Variants in TNPO3 observed in about 807,000 individuals in gnomAD.
TNPO3 encodes transportin-3.
TNPO3 carries 65 observed loss-of-function variants against 122.8 expected under a neutral mutation model. The observed-to-expected ratio is 0.53, with a 90% CI of 0.43 to 0.65. The LOEUF is 0.65. TNPO3 is among the 30% of genes least tolerant of loss of function. The probability of loss-of-function intolerance (pLI) is 0.00; values close to 1 mark genes in which losing one functional copy is unlikely to be tolerated. For synonymous variants in TNPO3, 372 were observed against 411.2 expected (o/e 0.90, Z 1.15); for missense variants, 850 against 1,136.7 (o/e 0.75, Z 3.63).
intron 1 of TNPO3, among the ~76,000 whole-genome samples, chr7:129,032,993 T>G (rs931866276): frequency 1.3e-5 from 2 of 152,264 alleles, no homozygotes; most frequent in East Asian, 3.9e-4. Context: ...AGCATAAAGA[T>G]GGACACACAG....
intron 16 of TNPO3, among the ~76,000 whole-genome samples, chr7:128,976,336 A>T (rs554965227): frequency 3.3e-5 from 5 of 152,370 alleles, no homozygotes; most frequent in Non-Finnish European, 5.9e-5. Context: ...AAACACCTTC[A>T]TCTTGGAGAA....
At chr7:129,036,654 G>A (rs761778682) in intron 1 of TNPO3, among the ~76,000 whole-genome samples, 27 of 152,078 alleles carry the variant, frequency 1.8e-4, no homozygotes, top group Non-Finnish European at 3.8e-4. Context: ...AAGTGGAAAA[G>A]TTTAAGGAGT....
intron 21 of TNPO3, among the ~76,000 whole-genome samples, chr7:128,960,012 C>T (rs1797286704): frequency 6.6e-6 from 1 of 152,144 alleles, no homozygotes; most frequent in Admixed American, 6.5e-5. Context: ...CAGAGCAAGA[C>T]TCCGTCTCAA....
chr7:129,000,113 T>C (rs1030791629), intron 7 of TNPO3, among the ~76,000 whole-genome samples: 6 of 152,086 alleles, frequency 3.9e-5, no homozygotes, highest in African/African-American at 9.7e-5. Context: ...TAGTTAGAAT[T>C]TGGTGTTTTT....
chr7:129,037,606 C>T (rs1474255269), intron 1 of TNPO3, among the ~76,000 whole-genome samples: 1 of 152,114 alleles, frequency 6.6e-6, no homozygotes, highest in Admixed American at 6.6e-5. Context: ...AGAAGACCAC[C>T]TCCTTTGGTG....
rs1217921962 is a variant in TNPO3 at position 128,954,609 on chromosome 7, G to A, written c.*808C>T. On this transcript the variant is annotated 3_prime_UTR_variant, in exon 23 of 23. Transcript: ENST00000265388. ...CAACAAACTGATGTGGATTGGAAGT[G>A]GACTGAGAGAATGAACGGGGTCAGG... is the stretch of plus-strand genomic sequence containing the variant. 7.2e-6 allele frequency: 1 copy of A among 138,750 alleles called. No homozygotes were observed. Among genetic ancestry groups the A allele is most frequent in the Non-Finnish European group, 1.5e-5 (1 of 66,060 alleles). The allele number at this position is 138,750 out of a possible 1,614,324, so 8.6% of individuals were successfully genotyped here.
At chr7:128,985,612 A>AAATG (rs1176118580) in intron 12 of TNPO3, among the ~76,000 whole-genome samples, 1 of 152,200 alleles carries the variant, frequency 6.6e-6, no homozygotes, top group Non-Finnish European at 1.5e-5. Context: ...ATAAATAAAT[A>AAATG]AAAATTGAAA....
In TNPO3 at chr7:128,979,036, C is replaced by G; in HGVS notation, c.2008G>C (p.Val670Leu). The G allele has an allele frequency of 1.2e-6, 2 of 1,614,258 alleles. No homozygotes were observed. Among genetic ancestry groups the G allele is most frequent in the Non-Finnish European group, 1.7e-6 (2 of 1,180,040 alleles). Residue 670 changes from valine to leucine, a missense_variant, in exon 16 of 23, where the codon GTT becomes CTT. Transcript: ENST00000265388. ...ERCCRCLRFA[V>L]RCVGKGSAAL... is the part of the protein sequence containing the mutation. ...GCAGATCCTTTGCCTACACAGCGAA[C>G]AGCAAAGCGCAGGCACCTGCAACAA...
intron 21 of TNPO3, among the ~76,000 whole-genome samples, chr7:128,959,374 G>C (rs760714146): frequency 6.6e-6 from 1 of 152,076 alleles, no homozygotes; most frequent in Non-Finnish European, 1.5e-5. Context: ...TTTGTTTTCA[G>C]AACAGATAGA....
intron 21 of TNPO3, among the ~76,000 whole-genome samples, chr7:128,963,033 A>AG (rs1389672225): frequency 6.6e-6 from 1 of 152,202 alleles, no homozygotes; most frequent in African/African-American, 2.4e-5. Context: ...TAGAGTCAAC[A>AG]GGAGACATGC....
At chr7:128,973,226 G>A (rs904465500) in intron 18 of TNPO3, among the ~76,000 whole-genome samples, 5 of 152,108 alleles carry the variant, frequency 3.3e-5, no homozygotes, top group African/African-American at 9.7e-5. Flanking sequence ...TCAAAGAAAA[G>A]GTTGTGTGTT....
chr7:128,956,841 A>G (rs1796945987), intron 22 of TNPO3, among the ~76,000 whole-genome samples: 2 of 152,222 alleles, frequency 1.3e-5, no homozygotes, highest in Admixed American at 1.3e-4. Flanking sequence ...GACTGGCACC[A>G]CATATAACAG....
At chr7:128,975,001 A>G in intron 17 of TNPO3, 39 bp from the exon 18 acceptor site, 1 of 1,541,534 alleles carries the variant, frequency 6.5e-7, no homozygotes, top group Non-Finnish European at 9.0e-7. Flanking sequence ...ATGCTTTTTC[A>G]GAAATGCCAC....
intron 3 of TNPO3, among the ~76,000 whole-genome samples, chr7:129,016,004 G>A (rs762551259): frequency 1.3e-5 from 2 of 151,962 alleles, no homozygotes; most frequent in Non-Finnish European, 2.9e-5. Flanking sequence ...ACTTGAGCCC[G>A]GGAAGTCGAG....
intron 5 of TNPO3, among the ~76,000 whole-genome samples, chr7:129,004,422 C>T (rs1802350018): frequency 6.6e-6 from 1 of 152,134 alleles, no homozygotes; most frequent in Non-Finnish European, 1.5e-5. Context: ...CTCCCTAACT[C>T]CTATCTACCA....
At position 129,018,117 on chromosome 7, in the gene TNPO3, C is replaced by T. The variant is rs753003231; in HGVS notation, c.161G>A (p.Arg54Gln). The T allele has an allele frequency of 5.0e-6, 8 of 1,614,150 alleles. No homozygotes were observed. Among genetic ancestry groups the T allele is most frequent in the East Asian group, 4.5e-5 (2 of 44,878 alleles). ...AAAATAGCATGACTCCACATCCTGC[C>T]GGATCTGTAACAACTGGTCTGAGAT... Reference protein sequence around the residue: ...WEISDQLLQIRQDVESCYFAA... With the variant: ...WEISDQLLQIQQDVESCYFAA... Residue 54 changes from arginine to glutamine, a missense_variant, in exon 2 of 23, where the codon CGG (arginine) becomes CAG (glutamine). Transcript: ENST00000265388.
At chr7:128,985,276 A>C (rs1186085878) in intron 12 of TNPO3, among the ~76,000 whole-genome samples, 2 of 152,196 alleles carry the variant, frequency 1.3e-5, no homozygotes, top group East Asian at 3.9e-4. Flanking sequence ...CTTTTAATTA[A>C]TTCCTATAGA....
At position 129,017,941 on chromosome 7, in the gene TNPO3, G is replaced by A. The variant is rs17424179; in HGVS notation, c.321+16C>T. ...ATGGCCATACAAATTTCTCTAATGA[G>A]AAGCACAGGATTTACCTGCGTTACA... On this transcript the variant is annotated intron_variant, in intron 2 of 22. Transcript: ENST00000265388. 55,344 of 1,613,082 alleles carry A rather than the reference G, an allele frequency of 0.034. 1,156 individuals carry two copies. The highest frequency in any genetic ancestry group is 0.063 in the Middle Eastern group (379 of 6,058).
intron 1 of TNPO3, among the ~76,000 whole-genome samples, chr7:129,032,013 ACAT>A (rs1160540028): frequency 6.6e-6 from 1 of 152,290 alleles, no homozygotes; most frequent in South Asian, 2.1e-4. Flanking sequence ...AAGGGATTAT[ACAT>A]CATCATCAAG....
Sources: gnomAD v4.1 joint callset for allele counts (sites outside exome capture counted in the v4.1 genomes callset) on GRCh38, gnomAD v4.1.1 for gene constraint, MANE v1.5 for transcripts, NCBI Gene and HGNC (gene_info 2026-07-23, HGNC 2026-07-21) for gene names.